The following RBFOX1 variants were observed in gnomAD, a reference collection of about 807,000 sequenced individuals.
RBFOX1 encodes the protein RNA binding fox-1 homolog 1, also known as RNA binding protein fox-1 homolog 1.
RBFOX1 carries 8 observed loss-of-function variants against 57.7 expected under a neutral mutation model. That is an observed-to-expected ratio of 0.14 (90% confidence interval 0.08 to 0.25). The LOEUF is 0.25. RBFOX1 is among the 10% of genes least tolerant of loss of function. The pLI is 1.00. For missense variants in RBFOX1, 611 were observed against 548.5 expected (o/e 1.11, Z -1.14); for synonymous variants, 326 against 222.4 (o/e 1.47, Z -4.15).
chr16:7,670,410 G>C (rs2071013664), intron 13 of RBFOX1, among the ~76,000 whole-genome samples: 2 of 152,174 alleles, frequency 1.3e-5, no homozygotes, highest in Admixed American at 1.3e-4. Context: ...GAGCCCACAT[G>C]ATTTGACTAC....
chr16:6,386,005 G>C (rs925561390), intron 2 of RBFOX1, among the ~76,000 whole-genome samples: 3 of 149,894 alleles, frequency 2.0e-5, no homozygotes, highest in Non-Finnish European at 4.4e-5. Context: ...GCGCGATCTC[G>C]GCTCACTGCA....
intron 2 of RBFOX1, among the ~76,000 whole-genome samples, chr16:5,545,367 C>A (rs1050761024): frequency 6.6e-6 from 1 of 152,052 alleles, no homozygotes; most frequent in Admixed American, 6.6e-5. Context: ...TTTTAGGAGA[C>A]AGGTATTGCC....
At chr16:7,443,878 G>C (rs947422999) in intron 4 of RBFOX1, among the ~76,000 whole-genome samples, 2 of 152,126 alleles carry the variant, frequency 1.3e-5, no homozygotes, top group African/African-American at 4.8e-5. Context: ...AATTTTGGGC[G>C]TCTGAACTTC....
chr16:7,069,586 C>T (rs1376460896), intron 4 of RBFOX1, among the ~76,000 whole-genome samples: 1 of 152,142 alleles, frequency 6.6e-6, no homozygotes, highest in Non-Finnish European at 1.5e-5. Flanking sequence ...GGACACATTC[C>T]TTTCACGGCC....
chr16:7,332,194 G>A lies in RBFOX1; in HGVS notation c.28-185953G>A, dbSNP rs181348574. ...CTTCGCACTGCCTTGTACGAGCTAT[G>A]TGACCATGAGCAAACCATTTAACTA... On this transcript the variant is annotated intron_variant, in intron 4 of 15. Coordinates refer to ENST00000550418, the MANE Select transcript of RBFOX1 (RefSeq NM_018723.4). Among the ~76,000 whole-genome samples the A allele has an allele frequency of 5.8e-3, 891 of 152,328 alleles. 5 individuals carry two copies. Among genetic ancestry groups the A allele is most frequent in the Non-Finnish European group, 8.1e-3 (553 of 68,026 alleles).
intron 3 of RBFOX1, among the ~76,000 whole-genome samples, chr16:6,974,350 T>C (rs1037149530): frequency 2.1e-5 from 3 of 141,676 alleles, no homozygotes; most frequent in African/African-American, 5.3e-5. Context: ...TTTTTTTTTT[T>C]TTTTTTTTTT....
intron 1 of RBFOX1, among the ~76,000 whole-genome samples, chr16:5,266,323 G>A (rs1158542134): frequency 6.6e-6 from 1 of 152,114 alleles, no homozygotes; most frequent in Non-Finnish European, 1.5e-5. Flanking sequence ...CTCCCCCCAA[G>A]TACAGGCAAC....
chr16:5,983,210 G>A (rs993598921), intron 4 of RBFOX1, among the ~76,000 whole-genome samples: 4 of 152,214 alleles, frequency 2.6e-5, no homozygotes, highest in Non-Finnish European at 4.4e-5. Context: ...GGGAATTAGG[G>A]ATGTCAGAAA....
chr16:6,186,075 T>C (rs1397407399), intron 1 of RBFOX1, among the ~76,000 whole-genome samples: 1 of 152,218 alleles, frequency 6.6e-6, no homozygotes. Flanking sequence ...TCCAGAGGAT[T>C]TGAAAAATAT....
At chr16:6,802,155 G>T (rs532517635) in intron 3 of RBFOX1, among the ~76,000 whole-genome samples, 2 of 151,468 alleles carry the variant, frequency 1.3e-5, no homozygotes, top group East Asian at 3.9e-4. Context: ...GGAAAGGCCT[G>T]GGCACAATTC....
chr16:5,849,115 A>G (rs963024129), intron 3 of RBFOX1, among the ~76,000 whole-genome samples: 10 of 152,148 alleles, frequency 6.6e-5, no homozygotes, highest in Admixed American at 2.0e-4. Flanking sequence ...GTGGAGGCAG[A>G]GTCCATTGGA....
At chr16:6,281,927 A>G (rs1567843857) in intron 1 of RBFOX1, among the ~76,000 whole-genome samples, 1 of 152,098 alleles carries the variant, frequency 6.6e-6, no homozygotes, top group Non-Finnish European at 1.5e-5. Flanking sequence ...GAATAGAGAG[A>G]AAAGTGGAAG....
intron 4 of RBFOX1, among the ~76,000 whole-genome samples, chr16:7,222,493 G>A (rs2092803034): frequency 6.6e-6 from 1 of 152,196 alleles, no homozygotes; most frequent in Admixed American, 6.5e-5. Flanking sequence ...GCAAGGAAGT[G>A]ACAACCTAAT....
At chr16:7,305,889 A>G (rs181692859) in intron 4 of RBFOX1, among the ~76,000 whole-genome samples, 24 of 152,318 alleles carry the variant, frequency 1.6e-4, no homozygotes, top group African/African-American at 5.3e-4. Context: ...TATATGCTTC[A>G]TCTTCCACAA....
intron 4 of RBFOX1, among the ~76,000 whole-genome samples, chr16:7,278,028 A>T (rs1436821946): frequency 1.3e-5 from 2 of 152,074 alleles, no homozygotes; most frequent in Non-Finnish European, 2.9e-5. Context: ...ATTGGTGGTC[A>T]ATGCAGAATA....
At chr16:7,018,322 C>A (rs147477914) in intron 3 of RBFOX1, among the ~76,000 whole-genome samples, 1 of 152,130 alleles carries the variant, frequency 6.6e-6, no homozygotes, top group African/African-American at 2.4e-5. Flanking sequence ...CAGTGAGAAG[C>A]CTAACCTCCG....
At chr16:6,565,736 G>A (rs936045861) in intron 2 of RBFOX1, among the ~76,000 whole-genome samples, 3 of 151,750 alleles carry the variant, frequency 2.0e-5, no homozygotes, top group East Asian at 1.9e-4. Flanking sequence ...CCAAAGTGCT[G>A]GGATTACAGG....
chr16:7,344,604 C>T (rs975151053), intron 4 of RBFOX1, among the ~76,000 whole-genome samples: 9 of 151,556 alleles, frequency 5.9e-5, no homozygotes, highest in Admixed American at 5.9e-4. Flanking sequence ...ATTATTATTT[C>T]TACTCTTGCT....
intron 3 of RBFOX1, among the ~76,000 whole-genome samples, chr16:5,747,816 A>G (rs965470569): frequency 2.6e-5 from 4 of 152,098 alleles, no homozygotes; most frequent in Admixed American, 1.3e-4. Flanking sequence ...TTGATCTTTC[A>G]GAAAACCAGC....
Sources: allele counts gnomAD v4.1 joint callset (sites outside exome capture counted in the v4.1 genomes callset), GRCh38; gene constraint gnomAD v4.1.1; transcripts MANE v1.5; gene names NCBI Gene and HGNC (gene_info 2026-07-23, HGNC 2026-07-21).